Variants in ZNF443 observed in about 807,000 individuals in gnomAD.
The protein encoded by ZNF443 is Kruppel-type zinc finger (C2H2).
Under a neutral mutation model 12.0 loss-of-function variants are expected in ZNF443, and 3 were observed. That is an observed-to-expected ratio of 0.25 (90% CI 0.11 to 0.64). The LOEUF (loss-of-function observed/expected upper bound fraction) is 0.64. Among genes scored for constraint, ZNF443 ranks in the 30% least tolerant of loss-of-function variants. The probability of loss-of-function intolerance (pLI) is 0.84; values close to 1 mark genes in which losing one functional copy is unlikely to be tolerated. For missense variants in ZNF443, 770 were observed against 808.8 expected, an observed-to-expected ratio of 0.95 and a Z score of 0.58; for synonymous variants, 225 against 265.9, an observed-to-expected ratio of 0.85 and a Z score of 1.50.
chr19:12,440,085 C>T (rs1307002710), intron 1 of ZNF443, among the ~76,000 whole-genome samples: 1 of 152,056 alleles, frequency 6.6e-6, no homozygotes, highest in Non-Finnish European at 1.5e-5. Context: ...CCACGGAAAC[C>T]ACAGCTCCTC....
chr19:12,437,876 G>T (rs1432463410), intron 1 of ZNF443, among the ~76,000 whole-genome samples: 1 of 151,732 alleles, frequency 6.6e-6, no homozygotes, highest in Non-Finnish European at 1.5e-5. Context: ...TGGATTGCCC[G>T]AGGTCAGGAG....
intron 1 of ZNF443, among the ~76,000 whole-genome samples, chr19:12,434,826 C>T (rs1194588477): frequency 1.3e-5 from 2 of 152,020 alleles, no homozygotes; most frequent in Non-Finnish European, 2.9e-5. Context: ...CACAGCAGCC[C>T]GAGTTCCCAG....
chr19:12,434,607 G>C (rs1319008983), intron 1 of ZNF443, among the ~76,000 whole-genome samples: 4 of 151,972 alleles, frequency 2.6e-5, no homozygotes, highest in Non-Finnish European at 5.9e-5. Context: ...TCTAAAAAAT[G>C]CTGGAAACTT....
In ZNF443 at chr19:12,430,050, A is replaced by G; in HGVS notation, c.*106T>C. 1 of 1,582,434 alleles carries G rather than the reference A, an allele frequency of 6.3e-7. No individual in the cohort carries two copies. Among genetic ancestry groups the G allele is most frequent in the South Asian group, 1.2e-5 (1 of 86,086 alleles). ...ACTGAAACTACTTAAGGCTTTACCA[A>G]GTGCTTACATTCACAGGGTCTATCT... is the stretch of plus-strand genomic sequence containing the variant. On this transcript the variant is annotated 3_prime_UTR_variant, in exon 4 of 4. Transcript: ENST00000301547.
In ZNF443 at chr19:12,429,986, T is replaced by A; in HGVS notation, c.*170A>T. The stretch of plus-strand genomic sequence containing the variant: ...ATGGCTCACGGAGTGCTGGAACCAA[T>A]ACCCAGCAGGTATCAAGGGATGACT... On this transcript the variant is annotated 3_prime_UTR_variant, in exon 4 of 4. Coordinates refer to ENST00000301547, the MANE Select transcript of ZNF443 (RefSeq NM_005815.5). 8.7e-7 allele frequency: 1 copy of A among 1,148,320 alleles called. No homozygotes were observed. Among genetic ancestry groups the A allele is most frequent in the Non-Finnish European group, 1.2e-6 (1 of 822,878 alleles). The allele number at this position is 1,148,320 out of a possible 1,614,324, so 71.1% of individuals were successfully genotyped here.
chr19:12,430,442 C>T lies in ZNF443; in HGVS notation c.1730G>A (p.Arg577Gln), dbSNP rs748871616. ...KAFSWLTCFLRHERIHMREKS... is the reference protein window; with the variant it reads ...KAFSWLTCFLQHERIHMREKS... ...CTCTCTCATGTGAATTCTTTCATGTCGTAGAAAGCAAGTGAGCCAAGAGAA... is the reference window on the plus strand; with the variant it reads ...CTCTCTCATGTGAATTCTTTCATGTTGTAGAAAGCAAGTGAGCCAAGAGAA... The change falls in exon 4 of 4, where the codon CGA becomes CAA. Residue 577 changes from arginine (R) to glutamine (Q), a missense_variant. Arg to Gln is a conservative substitution (Grantham distance 43, BLOSUM62 1). This residue lies in a region of ZNF443 where 736 missense variants were observed against 689.4 expected (regional missense o/e 1.07). Transcript: ENST00000301547. 6 of 1,606,342 alleles carry T rather than the reference C, an allele frequency of 3.7e-6. No individual in the cohort carries two copies. Among genetic ancestry groups the T allele is most frequent in the Non-Finnish European group, 4.3e-6 (5 of 1,175,554 alleles).
chr19:12,440,934 C>G lies in ZNF443; in HGVS notation c.-20G>C. The G allele has an allele frequency of 6.2e-7, 1 of 1,614,114 alleles. No individual in the cohort carries two copies. Among genetic ancestry groups the G allele is most frequent in the Non-Finnish European group, 8.5e-7 (1 of 1,179,990 alleles). ...CACCATTTCCCGACTTCCGCGGTGT[C>G]CCAGGTCCTACCGACAGCTCCCGCT... On this transcript the variant is annotated 5_prime_UTR_variant, in exon 1 of 4. Coordinates refer to ENST00000301547, the MANE Select transcript of ZNF443 (RefSeq NM_005815.5).
intron 1 of ZNF443, among the ~76,000 whole-genome samples, chr19:12,435,935 C>A (rs917833844): frequency 6.6e-6 from 1 of 151,856 alleles, no homozygotes; most frequent in Non-Finnish European, 1.5e-5. Context: ...CAGAAGTACC[C>A]CATTATAACA....
intron 1 of ZNF443, among the ~76,000 whole-genome samples, chr19:12,438,441 C>T (rs997033098): frequency 6.6e-6 from 1 of 152,082 alleles, no homozygotes; most frequent in Non-Finnish European, 1.5e-5. Flanking sequence ...AAGTCCTGTC[C>T]CACAGAATTT....
At chr19:12,432,510 C>T (rs1970267728) in intron 2 of ZNF443, 73 bp from the exon 3 acceptor site, 2 of 1,109,766 alleles carry the variant, frequency 1.8e-6, no homozygotes, top group Non-Finnish European at 2.6e-6. Flanking sequence ...TTTTGATGTA[C>T]ACTGCAATCG....
intron 1 of ZNF443, among the ~76,000 whole-genome samples, chr19:12,437,355 CTA>C (rs991517960): frequency 1.3e-5 from 2 of 150,266 alleles, no homozygotes; most frequent in African/African-American, 4.9e-5. Context: ...TTATAGTTAA[CTA>C]TGATTGCTCC....
Position 12,432,369 on chromosome 19 carries a change from T to C in ZNF443, c.191+8A>G. Reference sequence around the variant, plus strand: ...GGGACATATCTTTCTCTTGTGAGTGTAAATTACCTTAGATTTTTCCTGGGA... The same window carrying C: ...GGGACATATCTTTCTCTTGTGAGTGCAAATTACCTTAGATTTTTCCTGGGA... On this transcript the variant is annotated splice_region_variant and intron_variant, in intron 3 of 3. Transcript: ENST00000301547. 1 of 1,574,584 alleles carries C rather than the reference T, an allele frequency of 6.4e-7. No individual in the cohort carries two copies. Among genetic ancestry groups the C allele is most frequent in the Non-Finnish European group, 8.7e-7 (1 of 1,152,034 alleles).
chr19:12,437,789 G>A (rs1599622803), intron 1 of ZNF443, among the ~76,000 whole-genome samples: 1 of 150,500 alleles, frequency 6.6e-6, no homozygotes, highest in Non-Finnish European at 1.5e-5. Flanking sequence ...CTCCATTCTA[G>A]CCCTAATCAA....
At position 12,430,088 on chromosome 19, in the gene ZNF443, G is replaced by A. The variant is rs1970232499; in HGVS notation, c.*68C>T. 6.9e-6 allele frequency: 11 copies of A among 1,601,598 alleles called. No homozygotes were observed. The highest frequency in any genetic ancestry group is 1.1e-5 in the South Asian group (1 of 89,424). ...ACAGGGTCTATCTCCAATGTGTTTC[G>A]TACAAGTATCTGAAATGAAATAAAA... is the stretch of plus-strand genomic sequence containing the variant. On this transcript the variant is annotated 3_prime_UTR_variant, in exon 4 of 4. Coordinates refer to ENST00000301547, the MANE Select transcript of ZNF443 (RefSeq NM_005815.5).
chr19:12,431,162 T>C lies in ZNF443; in HGVS notation c.1010A>G (p.Tyr337Cys), dbSNP rs1189888793. Residue 337 changes from tyrosine (Y) to cysteine (C), a missense_variant, in exon 4 of 4, where the codon TAT (tyrosine) becomes TGT (cysteine). Tyr to Cys is a radical substitution (Grantham distance 194). Transcript: ENST00000301547. Reference sequence around the variant, plus strand: ...CGCTTTCCCACATTGCTGACATGCATAGGGTTTCTCTGCACTGTGAGTGGT... The same window carrying C: ...CGCTTTCCCACATTGCTGACATGCACAGGGTTTCTCTGCACTGTGAGTGGT... ...HETTHSAEKP[Y>C]ACQQCGKAFH... 12 of 1,613,962 alleles carry C rather than the reference T, an allele frequency of 7.4e-6. No homozygotes were observed. Among genetic ancestry groups the C allele is most frequent in the African/African-American group, 4.0e-5 (3 of 74,908 alleles).
At chr19:12,439,881 G>T (rs1230679720) in intron 1 of ZNF443, among the ~76,000 whole-genome samples, 3 of 152,060 alleles carry the variant, frequency 2.0e-5, no homozygotes, top group Non-Finnish European at 4.4e-5. Context: ...GGGCCAAACA[G>T]TTCATACTGT....
In ZNF443 at chr19:12,430,013, T is replaced by C. The variant is rs577336034; in HGVS notation, c.*143A>G. Reference sequence around the variant, plus strand: ...CCCAGCAGGTATCAAGGGATGACTGTACTGGAAAGAAACTGAAACTACTTA... The same window carrying C: ...CCCAGCAGGTATCAAGGGATGACTGCACTGGAAAGAAACTGAAACTACTTA... On this transcript the variant is annotated 3_prime_UTR_variant, in exon 4 of 4. Transcript: ENST00000301547. 29 of 1,461,124 alleles carry C rather than the reference T, an allele frequency of 2.0e-5. No homozygotes were observed. The South Asian group carries it at 3.8e-4, about 19-fold the overall frequency. The allele number at this position is 1,461,124 out of a possible 1,614,324, so 90.5% of individuals were successfully genotyped here.
chr19:12,431,334 G>T lies in ZNF443; in HGVS notation c.838C>A (p.Pro280Thr), dbSNP rs368442446. ...RHERTHTGEK[P>T]YKCKQCSKAF... Reference sequence around the variant, plus strand: ...TTAGAACACTGCTTACATTTATATGGTTTCTCCCCAGTATGTGTTCTTTCA... The same window carrying T: ...TTAGAACACTGCTTACATTTATATGTTTTCTCCCCAGTATGTGTTCTTTCA... Residue 280 changes from proline to threonine, a missense_variant, in exon 4 of 4, where the codon CCA (proline) becomes ACA (threonine). Coordinates refer to ENST00000301547, the MANE Select transcript of ZNF443 (RefSeq NM_005815.5). The T allele has an allele frequency of 4.3e-5, 70 of 1,613,930 alleles. No individual in the cohort carries two copies. Among genetic ancestry groups the T allele is most frequent in the Non-Finnish European group, 5.8e-5 (68 of 1,179,958 alleles).
intron 1 of ZNF443, among the ~76,000 whole-genome samples, chr19:12,437,007 C>G (rs1180651739): frequency 1.3e-5 from 2 of 150,838 alleles, no homozygotes; most frequent in Non-Finnish European, 2.9e-5. Context: ...GAGCATTACC[C>G]TAAAAGCCAG....
Sources: allele counts gnomAD v4.1 joint callset (sites outside exome capture counted in the v4.1 genomes callset), GRCh38; gene constraint gnomAD v4.1.1; regional missense constraint gnomAD v4.1.1; transcripts MANE v1.5; gene names NCBI Gene and HGNC (gene_info 2026-07-23, HGNC 2026-07-21).